EDA: variants seen among roughly 807,000 people sequenced by gnomAD.
EDA encodes the protein ectodysplasin A, also known as ectodysplasin-A.
EDA carries 2 observed loss-of-function variants against 23.6 expected under a neutral mutation model. The observed-to-expected ratio is 0.08, with a 90% confidence interval of 0.03 to 0.27. The LOEUF is 0.27. EDA is among the 10% of genes least tolerant of loss of function. The pLI is 1.00. For missense variants in EDA, 229 were observed against 324.2 expected (o/e 0.71, Z 2.26); for synonymous variants, 131 against 132.0 (o/e 0.99, Z 0.05).
At chrX:69,966,885 A>C (rs1292031342) in intron 2 of EDA, among the ~76,000 whole-genome samples, 1 of 109,507 alleles carries the variant, frequency 9.1e-6, no homozygotes, top group Non-Finnish European at 1.9e-5. Context: ...ATATGATCCC[A>C]TTTTCATAGA....
At chrX:69,617,350 A>G (rs887102618) in intron 1 of EDA, 1 of 130,619 alleles carries the variant, frequency 7.7e-6, no homozygotes, top group African/African-American at 3.3e-5. Context: ...CAATTTTAAA[A>G]ATCTATGGAA....
At chrX:70,025,545 A>G (rs2020096253) in intron 3 of EDA, among the ~76,000 whole-genome samples, 2 of 111,794 alleles carry the variant, frequency 1.8e-5, no homozygotes, top group Admixed American at 1.9e-4. Context: ...AGATGTAGAA[A>G]CTAAGGCTCA....
At chrX:70,008,549 T>C (rs2019832527) in intron 2 of EDA, among the ~76,000 whole-genome samples, 1 of 111,614 alleles carries the variant, frequency 9.0e-6, no homozygotes, top group Non-Finnish European at 1.9e-5. Flanking sequence ...GATTAGCTAA[T>C]ATTTTATTGA....
intron 1 of EDA, among the ~76,000 whole-genome samples, chrX:69,792,978 C>T (rs889853736): frequency 8.9e-6 from 1 of 111,861 alleles, no homozygotes; most frequent in East Asian, 2.8e-4. Flanking sequence ...TAATTAGGTC[C>T]CATCTATTTA....
intron 1 of EDA, among the ~76,000 whole-genome samples, chrX:69,678,075 G>T (rs1355203810): frequency 1.8e-5 from 2 of 111,177 alleles, no homozygotes; most frequent in Admixed American, 1.9e-4. Context: ...TTATTAAATA[G>T]GGAATCCTTT....
chrX:69,772,223 G>A (rs1295544883), intron 1 of EDA, among the ~76,000 whole-genome samples: 1 of 111,888 alleles, frequency 8.9e-6, no homozygotes. Context: ...GCCTCCCAAA[G>A]TGCTGGGATT....
At chrX:69,751,531 A>T (rs1368004506) in intron 1 of EDA, among the ~76,000 whole-genome samples, 1 of 111,595 alleles carries the variant, frequency 9.0e-6, no homozygotes, top group African/African-American at 3.3e-5. Flanking sequence ...TTCCATATGA[A>T]CTTTAAAGTA....
intron 1 of EDA, among the ~76,000 whole-genome samples, chrX:69,859,553 G>T (rs2017333903): frequency 1.9e-5 from 2 of 106,726 alleles, no homozygotes; most frequent in South Asian, 7.9e-4. Context: ...CCTTAGTTTT[G>T]ATTTCTAACT....
intron 1 of EDA, among the ~76,000 whole-genome samples, chrX:69,693,612 A>G (rs1934773407): frequency 9.0e-6 from 1 of 111,207 alleles, no homozygotes; most frequent in Non-Finnish European, 1.9e-5. Flanking sequence ...TGATTCGGTT[A>G]ATTTTGCCAA....
At position 69,645,584 on chromosome X, in the gene EDA, T is replaced by TTATATATATATATATATA. The variant is rs761403541; in HGVS notation, c.396+28889_396+28890insATATATATATATATATAT. Among the ~76,000 whole-genome samples the TTATATATATATATATATA allele has an allele frequency of 1.3e-3, 72 of 54,291 alleles. 9 individuals are homozygous for TTATATATATATATATATA. Among genetic ancestry groups the TTATATATATATATATATA allele is most frequent in the African/African-American group, 4.5e-3 (42 of 9,259 alleles). The allele number at this position is 54,291 out of a possible 115,157, so 47.1% of individuals were successfully genotyped here. On this transcript the variant is annotated intron_variant, in intron 1 of 7. Coordinates refer to ENST00000374552, the MANE Select transcript of EDA (RefSeq NM_001399.5). ...GGTTGCTCTTAGTTCTCTAGTTCTT[T>TTATATATATATATATATA]TATATATATGTGTGTGTGTATATAT...
intron 4 of EDA, among the ~76,000 whole-genome samples, chrX:70,028,571 C>T (rs1302023438): frequency 8.9e-6 from 1 of 112,518 alleles, no homozygotes; most frequent in Admixed American, 9.4e-5. Flanking sequence ...AAGTTAGAAA[C>T]TTAAGAGTCA....
chrX:70,012,584 A>G (rs1247273750), intron 2 of EDA, among the ~76,000 whole-genome samples: 1 of 112,777 alleles, frequency 8.9e-6, no homozygotes, highest in East Asian at 2.8e-4. Flanking sequence ...CTTGTGGGAA[A>G]TGTGATACTG....
intron 1 of EDA, among the ~76,000 whole-genome samples, chrX:69,833,978 G>A (rs759331047): frequency 1.2e-5 from 1 of 82,175 alleles, no homozygotes; most frequent in African/African-American, 5.0e-5. Flanking sequence ...ACAGGCACCA[G>A]TGTGTGATGT....
Position 69,752,187 on chromosome X carries a change from C to G in EDA, c.396+135483C>G, listed in dbSNP as rs1031676237. On this transcript the variant is annotated intron_variant, in intron 1 of 7. Coordinates refer to ENST00000374552, the MANE Select transcript of EDA (RefSeq NM_001399.5). ...AAAGGGAATGCTTCCAGTTTTTGCC[C>G]ATTCAGTTTGATATTGGCTGTGGGT... Among the ~76,000 whole-genome samples the G allele has an allele frequency of 2.2e-3, 248 of 111,185 alleles. 2 individuals carry two copies. The highest frequency in any genetic ancestry group is 3.0e-3 in the Non-Finnish European group (157 of 53,060).
chrX:70,021,580 C>G (rs1332873919), intron 2 of EDA, among the ~76,000 whole-genome samples: 2 of 110,938 alleles, frequency 1.8e-5, no homozygotes, highest in African/African-American at 6.6e-5. Context: ...AGCACATTTT[C>G]AAGAACTCGC....
At chrX:69,822,765 T>A (rs1398458964) in intron 1 of EDA, among the ~76,000 whole-genome samples, 3 of 109,726 alleles carry the variant, frequency 2.7e-5, no homozygotes, top group African/African-American at 1.0e-4. Flanking sequence ...GTTACATGTG[T>A]ACACATGTGC....
intron 1 of EDA, among the ~76,000 whole-genome samples, chrX:69,683,188 T>TA (rs1027855593): frequency 9.0e-6 from 1 of 111,529 alleles, no homozygotes; most frequent in African/African-American, 3.3e-5. Context: ...GTCTTGGCTG[T>TA]CATTGTTGTT....
intron 1 of EDA, among the ~76,000 whole-genome samples, chrX:69,948,699 C>A (rs939139434): frequency 8.9e-6 from 1 of 112,360 alleles, no homozygotes; most frequent in East Asian, 2.8e-4. Flanking sequence ...TACAAAAAAA[C>A]CACAAAATTG....
chrX:70,036,017 C>T lies in EDA; in HGVS notation c.*408C>T, dbSNP rs1333504529. On this transcript the variant is annotated 3_prime_UTR_variant, in exon 8 of 8. Coordinates refer to ENST00000374552, the MANE Select transcript of EDA (RefSeq NM_001399.5). Reference sequence around the variant, plus strand: ...ACATCTGACCCCAAGGGGGCTGCTGCTCCTCTCTTGGGTAGGGTAGTGGCT... The same window carrying T: ...ACATCTGACCCCAAGGGGGCTGCTGTTCCTCTCTTGGGTAGGGTAGTGGCT... 2 of 181,395 alleles carry T rather than the reference C, an allele frequency of 1.1e-5. No homozygotes were observed. The highest frequency in any genetic ancestry group is 2.0e-5 in the Non-Finnish European group (2 of 98,733). The allele number at this position is 181,395 out of a possible 1,213,427, so 14.9% of individuals were successfully genotyped here. A position where few individuals can be genotyped will look rare whatever the true frequency, so the allele number is the denominator to read the frequency against.
Sources: gnomAD v4.1 joint callset for allele counts (sites outside exome capture counted in the v4.1 genomes callset) on GRCh38, gnomAD v4.1.1 for gene constraint, MANE v1.5 for transcripts, NCBI Gene and HGNC (gene_info 2026-07-23, HGNC 2026-07-21) for gene names.